Variants in C1orf198 observed in about 807,000 individuals in gnomAD.
The protein encoded by C1orf198 is uncharacterized protein C1orf198.
A neutral mutation model predicts 31.4 loss-of-function variants in C1orf198; 17 were observed. The ratio of observed to expected loss-of-function variants is 0.54; its 90% confidence interval spans 0.37 to 0.81. C1orf198 has a LOEUF of 0.81. Among genes scored for constraint, C1orf198 ranks in the 40% least tolerant of loss-of-function variants. C1orf198 has a pLI of 0.00. For missense variants in C1orf198, 401 were observed against 450.3 expected (o/e 0.89, Z 0.99); for synonymous variants, 175 against 193.8 (o/e 0.90, Z 0.81).
chr1:230,866,966 A>T (rs941536977), intron 1 of C1orf198, among the ~76,000 whole-genome samples: 4 of 152,168 alleles, frequency 2.6e-5, no homozygotes, highest in African/African-American at 9.7e-5. Flanking sequence ...CAGTCATTTC[A>T]CTTTTCCCTC....
At chr1:230,859,566 G>C (rs752058344) in intron 1 of C1orf198, among the ~76,000 whole-genome samples, 5 of 152,072 alleles carry the variant, frequency 3.3e-5, no homozygotes, top group Non-Finnish European at 7.4e-5. Flanking sequence ...AGATGCCCCA[G>C]GTCACCAAAT....
intron 2 of C1orf198, among the ~76,000 whole-genome samples, chr1:230,844,999 T>C (rs1669548272): frequency 6.6e-6 from 1 of 152,170 alleles, no homozygotes; most frequent in Non-Finnish European, 1.5e-5. Flanking sequence ...CTCAATCATT[T>C]CTAAAATCAA....
At position 230,840,301 on chromosome 1, in the gene C1orf198, C is replaced by T. The variant is rs1188813232; in HGVS notation, c.928-393G>A. Among the ~76,000 whole-genome samples the T allele has an allele frequency of 6.6e-6, 1 of 152,178 alleles. No homozygotes were observed. Among genetic ancestry groups the T allele is most frequent in the Non-Finnish European group, 1.5e-5 (1 of 68,042 alleles). ...CTTCAAATATAAAACAAACATCACA[C>T]ACAAACACAACAAAAAAGAACTTGT... On this transcript the variant is annotated intron_variant, in intron 3 of 3. Coordinates refer to ENST00000366663, the MANE Select transcript of C1orf198 (RefSeq NM_032800.3). The surrounding 1 kb of genome is among the most constrained non-coding windows in gnomAD (Gnocchi z 4.0).
intron 2 of C1orf198, among the ~76,000 whole-genome samples, chr1:230,846,885 C>T (rs1313652817): frequency 1.3e-5 from 2 of 152,052 alleles, no homozygotes; most frequent in Admixed American, 6.5e-5. Context: ...GGGCGGATCA[C>T]GAGGTCAGGA....
At chr1:230,849,381 T>A (rs1356984592) in intron 2 of C1orf198, among the ~76,000 whole-genome samples, 2 of 152,128 alleles carry the variant, frequency 1.3e-5, no homozygotes, top group Non-Finnish European at 2.9e-5. Flanking sequence ...GGTTTGGGGA[T>A]GCAACTTAGT....
intron 1 of C1orf198, among the ~76,000 whole-genome samples, chr1:230,858,877 C>T (rs1669940357): frequency 6.6e-6 from 1 of 152,188 alleles, no homozygotes; most frequent in Non-Finnish European, 1.5e-5. Flanking sequence ...TGGGGACAGT[C>T]AACTCTCCAG....
chr1:230,844,488 T>C (rs1202553), intron 2 of C1orf198, among the ~76,000 whole-genome samples: 40,602 of 152,052 alleles, frequency 0.27, 6,152 homozygotes, highest in Middle Eastern at 0.46. Context: ...CCTCTCTTTA[T>C]AAATTACCCA....
intron 1 of C1orf198, among the ~76,000 whole-genome samples, chr1:230,862,135 C>T (rs1304154793): frequency 1.2e-4 from 18 of 152,138 alleles, no homozygotes; most frequent in East Asian, 1.2e-3. Flanking sequence ...TGAGCTGTGT[C>T]GTGCCCATCA....
rs1558133226 is a variant in C1orf198, at chr1:230,837,447, G to T, written c.*2405C>A. 6.6e-6 allele frequency: 1 copy of T among 152,228 alleles called. No homozygotes were observed. Among genetic ancestry groups the T allele is most frequent in the South Asian group, 2.1e-4 (1 of 4,828 alleles). The allele number at this position is 152,228 out of a possible 1,614,324, so 9.4% of individuals were successfully genotyped here. On this transcript the variant is annotated 3_prime_UTR_variant, in exon 4 of 4. Transcript: ENST00000366663. ...GAGCTGAATCCCAGGTGCAGAGACT[G>T]GGGGGAGGTGGAGAATCCAAAATCA... is the stretch of plus-strand genomic sequence containing the variant.
At chr1:230,863,494 C>T (rs1670044406) in intron 1 of C1orf198, among the ~76,000 whole-genome samples, 1 of 152,234 alleles carries the variant, frequency 6.6e-6, no homozygotes, top group Admixed American at 6.5e-5. Flanking sequence ...TAAAAGATGA[C>T]TCCACACCTG....
chr1:230,866,624 C>T (rs1670125108), intron 1 of C1orf198, among the ~76,000 whole-genome samples: 1 of 151,964 alleles, frequency 6.6e-6, no homozygotes, highest in Non-Finnish European at 1.5e-5. Flanking sequence ...TAGCTGGACA[C>T]CAAGCTAAGG....
intron 2 of C1orf198, 106 bp from the exon 3 acceptor site, chr1:230,844,002 C>T: frequency 8.5e-7 from 1 of 1,177,586 alleles, no homozygotes. Flanking sequence ...GGACGCACAC[C>T]AGCCACACAC....
In C1orf198 at chr1:230,843,117, G is replaced by A. The variant is rs1037449977; in HGVS notation, c.927+237C>T. ...CACTGGGGAAAGCGCAGTGGGCCAC[G>A]GAACCCTGACTGGTAAACAAATTAG... On this transcript the variant is annotated intron_variant, in intron 3 of 3. Transcript: ENST00000366663. This position sits in a 1 kb window ranked among gnomAD's most constrained non-coding sequence, Gnocchi z 4.9. Among the ~76,000 whole-genome samples, 4 of 152,250 alleles carry A rather than the reference G, an allele frequency of 2.6e-5. No individual in the cohort carries two copies. Among genetic ancestry groups the A allele is most frequent in the South Asian group, 2.1e-4 (1 of 4,830 alleles).
At chr1:230,848,682 A>G (rs755286638) in intron 2 of C1orf198, among the ~76,000 whole-genome samples, 11 of 152,048 alleles carry the variant, frequency 7.2e-5, no homozygotes, top group Non-Finnish European at 1.3e-4. Context: ...TTGTATATCG[A>G]AAAAAAACCT....
intron 1 of C1orf198, among the ~76,000 whole-genome samples, chr1:230,856,563 T>C (rs1669880810): frequency 6.6e-6 from 1 of 152,146 alleles, no homozygotes; most frequent in Non-Finnish European, 1.5e-5. Flanking sequence ...TGTTTGTTTG[T>C]TGGTTTGTTT....
intron 2 of C1orf198, among the ~76,000 whole-genome samples, chr1:230,846,930 C>T (rs1427462223): frequency 2.6e-5 from 4 of 151,760 alleles, no homozygotes; most frequent in African/African-American, 4.9e-5. Context: ...GGTGAAACCC[C>T]GTCTCTACTA....
intron 2 of C1orf198, among the ~76,000 whole-genome samples, chr1:230,848,765 T>C (rs1669656547): frequency 6.6e-6 from 1 of 152,214 alleles, no homozygotes; most frequent in African/African-American, 2.4e-5. Context: ...GGGTTTGTCA[T>C]CTAGAATTTC....
At position 230,843,992 on chromosome 1, in the gene C1orf198, G is replaced by A; in HGVS notation, c.385-96C>T. 1 of 1,267,614 alleles carries A rather than the reference G, an allele frequency of 7.9e-7. No homozygotes were observed. Among genetic ancestry groups the A allele is most frequent in the Non-Finnish European group, 1.1e-6 (1 of 930,190 alleles). 78.5% of individuals were successfully genotyped at this position (1,267,614 alleles called of 1,614,324 possible). A position where few individuals can be genotyped will look rare whatever the true frequency, so the allele number is the denominator to read the frequency against. ...GCTCACGCACCCCTCCTCAGCATAA[G>A]GACGCACACCAGCCACACACGAGTT... On this transcript the variant is annotated intron_variant, in intron 2 of 3. Coordinates refer to ENST00000366663, the MANE Select transcript of C1orf198 (RefSeq NM_032800.3). The surrounding 1 kb of genome is among the most constrained non-coding windows in gnomAD (Gnocchi z 4.9).
chr1:230,856,686 T>C (rs1162450214), intron 1 of C1orf198, among the ~76,000 whole-genome samples: 2 of 152,204 alleles, frequency 1.3e-5, no homozygotes, highest in African/African-American at 4.8e-5. Context: ...GCACCATGTC[T>C]GACTGCTTCT....
Sources: gnomAD v4.1 joint callset for allele counts (sites outside exome capture counted in the v4.1 genomes callset) on GRCh38, gnomAD v4.1.1 for gene constraint, Gnocchi (gnomAD v3.1) non-coding constraint, MANE v1.5 for transcripts, NCBI Gene and HGNC (gene_info 2026-07-23, HGNC 2026-07-21) for gene names.